The following TJP2 variants were observed in gnomAD, a reference collection of about 807,000 sequenced individuals.
The protein encoded by TJP2 is tight junction protein 2.
Under a neutral mutation model 133.1 loss-of-function variants are expected in TJP2, and 91 were observed. That is an observed-to-expected ratio of 0.68 (90% confidence interval 0.58 to 0.81). The LOEUF (loss-of-function observed/expected upper bound fraction) is 0.81. Ranked by LOEUF, TJP2 falls within the 40% of genes least tolerant of loss-of-function variation. The pLI, the probability that TJP2 is intolerant of heterozygous loss-of-function variation, is 0.00. For synonymous variants in TJP2, 592 were observed against 583.4 expected (o/e 1.01, Z -0.21); for missense variants, 1,541 against 1,565.6 (o/e 0.98, Z 0.26).
chr9:69,158,020 A>G (rs1823861401), intron 2 of TJP2, among the ~76,000 whole-genome samples: 1 of 150,610 alleles, frequency 6.6e-6, no homozygotes, highest in South Asian at 2.1e-4. Context: ...ACCCAGAGGC[A>G]GGCACAGTGG....
At chr9:69,230,274 G>A (rs771405778) in intron 11 of TJP2, 42 bp downstream of exon 11, 3 of 1,612,960 alleles carry the variant, frequency 1.9e-6, no homozygotes, top group Non-Finnish European at 2.5e-6. Flanking sequence ...TACTTGTAAG[G>A]AGTGCACTTT....
intron 2 of TJP2, among the ~76,000 whole-genome samples, chr9:69,162,219 A>G (rs1231537588): frequency 1.3e-5 from 2 of 148,770 alleles, no homozygotes; most frequent in Non-Finnish European, 3.0e-5. Context: ...TACAATTATA[A>G]GTTAAATATT....
At chr9:69,132,400 G>C (rs147439513) in intron 1 of TJP2, among the ~76,000 whole-genome samples, 56 of 152,326 alleles carry the variant, frequency 3.7e-4, no homozygotes, top group Admixed American at 1.2e-3. Flanking sequence ...GGGGATGAGA[G>C]TGGCAGGTGA....
upstream of TJP2, among the ~76,000 whole-genome samples, chr9:69,172,157 TGAA>T (rs1211891959): frequency 1.3e-5 from 2 of 152,224 alleles, no homozygotes; most frequent in Non-Finnish European, 1.5e-5. Flanking sequence ...AACCCACACG[TGAA>T]GAAGATGACT....
intron 1 of TJP2, among the ~76,000 whole-genome samples, chr9:69,207,656 C>T (rs76045479): frequency 0.013 from 2,005 of 152,258 alleles, 29 homozygotes; most frequent in African/African-American, 0.046. Flanking sequence ...CTGTAAAGCT[C>T]CCCCTGGTGC....
At chr9:69,239,888 A>C in intron 16 of TJP2, 49 bp from the exon 17 acceptor site, 2 of 1,374,684 alleles carry the variant, frequency 1.5e-6, no homozygotes, top group Non-Finnish European at 1.0e-6. Flanking sequence ...ATTTGATGCT[A>C]TATTACTTTA....
chr9:69,161,462 C>G (rs533397443), intron 2 of TJP2, among the ~76,000 whole-genome samples: 1 of 152,158 alleles, frequency 6.6e-6, no homozygotes, highest in South Asian at 2.1e-4. Flanking sequence ...CTCCTGACTT[C>G]GTGATCCATC....
chr9:69,252,405 C>T (rs901207078), intron 21 of TJP2, among the ~76,000 whole-genome samples: 1 of 152,108 alleles, frequency 6.6e-6, no homozygotes, highest in South Asian at 2.1e-4. Flanking sequence ...CGTGAAACTC[C>T]GTACCCATAA....
At chr9:69,246,847 C>A in intron 18 of TJP2, 57 bp downstream of exon 18, 1 of 1,455,344 alleles carries the variant, frequency 6.9e-7, no homozygotes, top group South Asian at 1.1e-5. Flanking sequence ...AAACTTTTCT[C>A]AAGAGGGCAG....
At chr9:69,170,763 T>G (rs1236798580), upstream of TJP2, among the ~76,000 whole-genome samples, 3 of 152,200 alleles carry the variant, frequency 2.0e-5, no homozygotes, top group Non-Finnish European at 2.9e-5. Context: ...TTTTCTTTCC[T>G]TTCTGGCAGC....
chr9:69,212,956 A>G (rs1327700475), intron 2 of TJP2, among the ~76,000 whole-genome samples: 1 of 150,274 alleles, frequency 6.7e-6, no homozygotes, highest in African/African-American at 2.4e-5. Flanking sequence ...TAATTATGAC[A>G]TATTATACAT....
Position 69,248,231 on chromosome 9 carries a change from C to A in TJP2, c.2880+7C>A. The stretch of plus-strand genomic sequence containing the variant: ...GCCGGTGCAGCACGAGGAGGTGAGG[C>A]GAGGCAGGCCACGGGCAGGAACAGG... On this transcript the variant is annotated splice_region_variant and intron_variant, in intron 19 of 22. Coordinates refer to ENST00000377245, the MANE Select transcript of TJP2 (RefSeq NM_004817.4). 1.9e-6 allele frequency: 3 copies of A among 1,584,968 alleles called. No individual in the cohort carries two copies. Among genetic ancestry groups the A allele is most frequent in the Non-Finnish European group, 2.6e-6 (3 of 1,164,134 alleles).
intron 4 of TJP2, 144 bp downstream of exon 4, chr9:69,218,503 G>A: frequency 1.4e-6 from 1 of 713,036 alleles, no homozygotes; most frequent in Non-Finnish European, 2.6e-6. Context: ...TTTTGGAGGG[G>A]TGTGAAGATA....
Position 69,240,113 on chromosome 9 carries a change from C to A in TJP2, c.2532C>A (p.Asn844Lys). 1.2e-6 allele frequency: 2 copies of A among 1,613,898 alleles called. No homozygotes were observed. Among genetic ancestry groups the A allele is most frequent in the Non-Finnish European group, 1.7e-6 (2 of 1,179,966 alleles). ...CTCGAAAGTTATTTGATCAAGCCAA[C>A]AAGCTTAAAAAAACGTGTGCACACC... is the stretch of plus-strand genomic sequence containing the variant. ...KSSRKLFDQA[N>K]KLKKTCAHLF... is the part of the protein sequence containing the mutation. Residue 844 changes from asparagine to lysine, a missense_variant, in exon 17 of 23, where the codon AAC (asparagine) becomes AAA (lysine). Coordinates refer to ENST00000377245, the MANE Select transcript of TJP2 (RefSeq NM_004817.4).
chr9:69,175,610 G>A (rs912250476), intron 1 of TJP2, among the ~76,000 whole-genome samples: 7 of 152,206 alleles, frequency 4.6e-5, no homozygotes, highest in African/African-American at 1.7e-4. Context: ...CTCCACTTCA[G>A]TGTGGGGATT....
intron 1 of TJP2, among the ~76,000 whole-genome samples, chr9:69,208,900 C>G (rs868162599): frequency 7.9e-5 from 12 of 152,152 alleles, no homozygotes; most frequent in South Asian, 2.1e-4. Context: ...ACCACAACTT[C>G]TAGATTAATT....
At chr9:69,161,645 C>G (rs886465678) in intron 2 of TJP2, among the ~76,000 whole-genome samples, 2 of 152,018 alleles carry the variant, frequency 1.3e-5, no homozygotes, top group African/African-American at 4.8e-5. Context: ...CTTGGGGTAA[C>G]ATGAGCTGAG....
At position 69,221,367 on chromosome 9, in the gene TJP2, C is replaced by G. The variant is rs1470531825; in HGVS notation, c.823C>G (p.His275Asp). Residue 275 changes from histidine to aspartate, a missense_variant, in exon 5 of 23, where the codon CAC (histidine) becomes GAC (aspartate). His to Asp is a moderately conservative substitution (Grantham distance 81). Coordinates refer to ENST00000377245, the MANE Select transcript of TJP2 (RefSeq NM_004817.4). ...CCCGGAGTACAGGCGCGGGGCCCGCCACGATGCCCGCTCTCGGGGACCCCG... is the reference window on the plus strand; with the variant it reads ...CCCGGAGTACAGGCGCGGGGCCCGCGACGATGCCCGCTCTCGGGGACCCCG... The part of the protein sequence containing the change: ...YSPEYRRGAR[H>D]DARSRGPRSR... 1.3e-6 allele frequency: 2 copies of G among 1,584,636 alleles called. No homozygotes were observed. Among genetic ancestry groups the G allele is most frequent in the East Asian group, 4.6e-5 (2 of 43,234 alleles).
At chr9:69,206,788 A>C (rs1394203440) in intron 1 of TJP2, among the ~76,000 whole-genome samples, 1 of 146,966 alleles carries the variant, frequency 6.8e-6, no homozygotes, top group African/African-American at 2.7e-5. Context: ...CATGTTAGTC[A>C]GTATGGTCTT....
Sources: gnomAD v4.1 joint callset for allele counts (sites outside exome capture counted in the v4.1 genomes callset) on GRCh38, gnomAD v4.1.1 for gene constraint, MANE v1.5 for transcripts, NCBI Gene and HGNC (gene_info 2026-07-23, HGNC 2026-07-21) for gene names.